ATXN3L: variants seen among roughly 807,000 people sequenced by gnomAD.
ATXN3L encodes the protein ataxin 3 like.
For missense variants in ATXN3L, 283 were observed against 255.2 expected (o/e 1.11, Z -0.74); for synonymous variants, 98 against 96.1 (o/e 1.02, Z -0.12).
At position 13,319,463 on chromosome X, in the gene ATXN3L, G is replaced by T; in HGVS notation, c.472C>A (p.Gln158Lys). The T allele has an allele frequency of 8.3e-7, 1 of 1,210,990 alleles. No individual in the cohort carries two copies. Among genetic ancestry groups the T allele is most frequent in the Non-Finnish European group, 1.1e-6 (1 of 894,848 alleles). ...TTGACAACAAATACAGAATATGCTTGTTGTTGTAATCGAGCCAAGAAATTT... is the reference window on the plus strand; with the variant it reads ...TTGACAACAAATACAGAATATGCTTTTTGTTGTAATCGAGCCAAGAAATTT... The part of the protein sequence containing the change: ...LANFLARLQQ[Q>K]AYSVFVVKGD... The change falls in exon 1 of 1, where the codon CAA (glutamine) becomes AAA (lysine). Residue 158 changes from glutamine (Q) to lysine (K), a missense_variant. Gln to Lys is a moderately conservative substitution (Grantham distance 53). Transcript: ENST00000380622.
Position 13,318,834 on chromosome X carries a change from A to G in ATXN3L, c.*33T>C. 9.0e-7 allele frequency: 1 copy of G among 1,114,758 alleles called. No individual in the cohort carries two copies. Among genetic ancestry groups the G allele is most frequent in the South Asian group, 2.1e-5 (1 of 47,961 alleles). 91.9% of individuals were successfully genotyped at this position (1,114,758 alleles called of 1,213,427 possible). On this transcript the variant is annotated 3_prime_UTR_variant, in exon 1 of 1. Coordinates refer to ENST00000380622, the MANE Select transcript of ATXN3L (RefSeq NM_001135995.2). ...GTATAATCACACAGGATAATGTTGGAAAGTATGACTATCTAAATTATTTTT... is the reference window on the plus strand; with the variant it reads ...GTATAATCACACAGGATAATGTTGGGAAGTATGACTATCTAAATTATTTTT...
Position 13,319,805 on chromosome X carries a change from C to G in ATXN3L, c.130G>C (p.Glu44Gln). 1.7e-6 allele frequency: 2 copies of G among 1,211,748 alleles called. No individual in the cohort carries two copies. Among genetic ancestry groups the G allele is most frequent in the Non-Finnish European group, 2.2e-6 (2 of 895,285 alleles). Reference protein sequence around the residue: ...ASIAHQLDEEERMRMAEGGVT... With the variant: ...ASIAHQLDEEQRMRMAEGGVT... ...CCTCCTTCTGCCATTCTCATCCTCTCTTCTTCATCTAGCTGATGTGCAATT... is the reference window on the plus strand; with the variant it reads ...CCTCCTTCTGCCATTCTCATCCTCTGTTCTTCATCTAGCTGATGTGCAATT... The change falls in exon 1 of 1, where the codon GAG becomes CAG. Residue 44 changes from glutamate (E) to glutamine (Q), a missense_variant. By Grantham distance (29) the Glu-to-Gln change is conservative. Transcript: ENST00000380622.
Position 13,319,389 on chromosome X carries a change from A to C in ATXN3L, c.546T>G (p.Ser182Arg). The C allele has an allele frequency of 8.3e-7, 1 of 1,211,480 alleles. No homozygotes were observed. Among genetic ancestry groups the C allele is most frequent in the Non-Finnish European group, 1.1e-6 (1 of 895,398 alleles). The change falls in exon 1 of 1, where the codon AGT becomes AGG. Residue 182 changes from serine (S) to arginine (R), a missense_variant. Transcript: ENST00000380622. ...CEADQLLQII[S>R]VEEMDTPKLN... Reference sequence around the variant, plus strand: ...GTTTTGGTGTATCCATCTCTTCGACACTGATGATCTGCAGGAGTTGGTCAG... The same window carrying C: ...GTTTTGGTGTATCCATCTCTTCGACCCTGATGATCTGCAGGAGTTGGTCAG...
rs1356107436 is a variant in ATXN3L, at chrX:13,319,641, T to C, written c.294A>G (p.Glu98=). 4 of 1,209,189 alleles carry C rather than the reference T, an allele frequency of 3.3e-6. No individual in the cohort carries two copies. The highest frequency in any genetic ancestry group is 1.8e-5 in the South Asian group (1 of 54,538). The change falls in exon 1 of 1, where the codon GAA becomes GAG. Residue 98 remains glutamate, a synonymous_variant. Transcript: ENST00000380622. ...GLEIIHFNNP[E]YQKLGIDPIN... ...TAGGATCAATGCCGAGCTTCTGATA[T>C]TCAGGATTATTGAAATGGATGATCT...
Position 13,319,099 on chromosome X carries a change from G to T in ATXN3L, c.836C>A (p.Pro279Gln). 1 of 1,210,511 alleles carries T rather than the reference G, an allele frequency of 8.3e-7. No individual in the cohort carries two copies. Among genetic ancestry groups the T allele is most frequent in the Non-Finnish European group, 1.1e-6 (1 of 895,048 alleles). ...TSCVTPASEQ[P>Q]KKIKEDYFEK... The stretch of plus-strand genomic sequence containing the variant: ...AAAATAGTCTTCTTTTATTTTCTTC[G>T]GCTGTTCTGAAGCAGGAGTTACACA... The change falls in exon 1 of 1, where the codon CCG (proline) becomes CAG (glutamine). Residue 279 changes from proline (P) to glutamine (Q), a missense_variant. Physicochemically the swap from Pro to Gln is moderately conservative, Grantham distance 76. Transcript: ENST00000380622.
Sources: gnomAD v4.1 joint callset for allele counts on GRCh38, gnomAD v4.1.1 for gene constraint, MANE v1.5 for transcripts, NCBI Gene and HGNC (gene_info 2026-07-23, HGNC 2026-07-21) for gene names.